The following RGMB variants were observed in gnomAD, a reference collection of about 807,000 sequenced individuals.
The protein encoded by RGMB is repulsive guidance molecule BMP co-receptor b.
In RGMB, 16 loss-of-function variants were observed where a neutral mutation model predicts 26.9. That is an observed-to-expected ratio of 0.60 (90% CI 0.40 to 0.90). The LOEUF (loss-of-function observed/expected upper bound fraction) is 0.90. RGMB is among the 40% of genes least tolerant of loss of function. The pLI is 0.00. For synonymous variants in RGMB, 225 were observed against 229.3 expected, an observed-to-expected ratio of 0.98 and a Z score of 0.17; for missense variants, 512 against 573.3, an observed-to-expected ratio of 0.89 and a Z score of 1.09.
Position 98,795,639 on chromosome 5 carries a change from G to A in RGMB, c.*1886G>A, listed in dbSNP as rs1747096390. The A allele has an allele frequency of 6.6e-6, 1 of 152,096 alleles. No individual in the cohort carries two copies. The highest frequency in any genetic ancestry group is 6.5e-5 in the Admixed American group (1 of 15,268). The allele number at this position is 152,096 out of a possible 1,614,324, so 9.4% of individuals were successfully genotyped here. A position where few individuals can be genotyped will look rare whatever the true frequency, so the allele number is the denominator to read the frequency against. ...AACCCGCCTTCCTTTTATAGAAGCT[G>A]GACTAGAGACGGACTGACCATCAGC... On this transcript the variant is annotated 3_prime_UTR_variant, in exon 3 of 3. Transcript: ENST00000513185.
intron 1 of RGMB, among the ~76,000 whole-genome samples, chr5:98,776,501 CATTTTG>C (rs1746406191): frequency 6.6e-6 from 1 of 152,184 alleles, no homozygotes; most frequent in Admixed American, 6.5e-5. Flanking sequence ...ATTGTCTTGG[CATTTTG>C]ACAGGAGGCT....
intron 2 of RGMB, among the ~76,000 whole-genome samples, chr5:98,790,237 A>T (rs1005803216): frequency 3.3e-5 from 5 of 152,178 alleles, no homozygotes; most frequent in African/African-American, 1.2e-4. Context: ...ACAAGGGACT[A>T]CTCAGGAAAC....
At position 98,794,529 on chromosome 5, in the gene RGMB, A is replaced by G. The variant is rs1747054174; in HGVS notation, c.*776A>G. ...TACCAGGCATCTCAGTAACTCCTAG[A>G]CTTTTTCTCATCCCATGCCCCGTTT... On this transcript the variant is annotated 3_prime_UTR_variant, in exon 3 of 3. Coordinates refer to ENST00000513185, the MANE Select transcript of RGMB (RefSeq NM_001366508.1). 1 of 152,142 alleles carries G rather than the reference A, an allele frequency of 6.6e-6. No homozygotes were observed. Among genetic ancestry groups the G allele is most frequent in the Non-Finnish European group, 1.5e-5 (1 of 68,012 alleles). The allele number at this position is 152,142 out of a possible 1,614,324, so 9.4% of individuals were successfully genotyped here. A position where few individuals can be genotyped will look rare whatever the true frequency, so the allele number is the denominator to read the frequency against.
intron 1 of RGMB, among the ~76,000 whole-genome samples, chr5:98,779,173 A>G (rs1365850384): frequency 6.6e-6 from 1 of 152,204 alleles, no homozygotes; most frequent in Non-Finnish European, 1.5e-5. Flanking sequence ...TGCTTTCTGA[A>G]GGAAGTTATG....
intron 2 of RGMB, among the ~76,000 whole-genome samples, chr5:98,788,465 CATT>C (rs927443601): frequency 6.6e-6 from 1 of 151,976 alleles, no homozygotes; most frequent in African/African-American, 2.4e-5. Flanking sequence ...TTTTCTAGTC[CATT>C]ATTTTTTCTT....
intron 1 of RGMB, among the ~76,000 whole-genome samples, chr5:98,778,528 A>G (rs561161753): frequency 2.0e-5 from 3 of 152,318 alleles, no homozygotes; most frequent in African/African-American, 4.8e-5. Context: ...TAACACAAAT[A>G]ATGTGTTACA....
intron 2 of RGMB, among the ~76,000 whole-genome samples, chr5:98,782,446 C>G (rs1746637699): frequency 6.6e-6 from 1 of 152,196 alleles, no homozygotes; most frequent in Non-Finnish European, 1.5e-5. Context: ...CCCTTAATGT[C>G]TACCACCATA....
intron 2 of RGMB, among the ~76,000 whole-genome samples, chr5:98,787,835 C>T (rs193157357): frequency 2.0e-5 from 3 of 152,142 alleles, no homozygotes; most frequent in Non-Finnish European, 4.4e-5. Context: ...TGTGCCTGTT[C>T]CTTTTATGTG....
At chr5:98,776,783 C>T (rs1315312944) in intron 1 of RGMB, among the ~76,000 whole-genome samples, 10 of 152,162 alleles carry the variant, frequency 6.6e-5, no homozygotes, top group Non-Finnish European at 7.4e-5. Flanking sequence ...CACCTACCTG[C>T]TATGAAAGAG....
intron 1 of RGMB, among the ~76,000 whole-genome samples, chr5:98,777,639 G>A (rs906828075): frequency 3.9e-5 from 6 of 152,102 alleles, no homozygotes; most frequent in African/African-American, 1.4e-4. Context: ...TGGCTTTAAC[G>A]CCTTTTGGAG....
At position 98,795,636 on chromosome 5, in the gene RGMB, G is replaced by C. The variant is rs938681829; in HGVS notation, c.*1883G>C. Reference sequence around the variant, plus strand: ...CTAAACCCGCCTTCCTTTTATAGAAGCTGGACTAGAGACGGACTGACCATC... The same window carrying C: ...CTAAACCCGCCTTCCTTTTATAGAACCTGGACTAGAGACGGACTGACCATC... On this transcript the variant is annotated 3_prime_UTR_variant, in exon 3 of 3. Transcript: ENST00000513185. The C allele has an allele frequency of 6.6e-6, 1 of 152,154 alleles. No homozygotes were observed. Among genetic ancestry groups the C allele is most frequent in the African/African-American group, 2.4e-5 (1 of 41,442 alleles). The allele number at this position is 152,154 out of a possible 1,614,324, so 9.4% of individuals were successfully genotyped here.
At position 98,793,078 on chromosome 5, in the gene RGMB, C is replaced by T. The variant is rs764511632; in HGVS notation, c.646-7C>T. The T allele has an allele frequency of 2.4e-5, 38 of 1,586,864 alleles. No individual in the cohort carries two copies. The South Asian group carries it at 3.3e-4, about 14-fold the overall frequency. On this transcript the variant is annotated splice_polypyrimidine_tract_variant and splice_region_variant and intron_variant, in intron 2 of 2. Transcript: ENST00000513185. The stretch of plus-strand genomic sequence containing the variant: ...CTGTTAAACCTTGTACATGCTCCTT[C>T]CCACAGATCACTATTATCTTCAAAG...
At position 98,793,565 on chromosome 5, in the gene RGMB, C is replaced by A. The variant is rs201952910; in HGVS notation, c.1126C>A (p.Leu376Met). ...CTATTTCCAGTCCTGTGTCTTCGAC[C>A]TGCTCACCACTGGTGATGCCAACTT... ...DIYFQSCVFD[L>M]LTTGDANFTA... is the part of the protein sequence containing the mutation. The change falls in exon 3 of 3, where the codon CTG becomes ATG. Residue 376 changes from leucine (L) to methionine (M), a missense_variant. By Grantham distance (15) the Leu-to-Met change is conservative (BLOSUM62 2). Coordinates refer to ENST00000513185, the MANE Select transcript of RGMB (RefSeq NM_001366508.1). 87 of 1,614,018 alleles carry A rather than the reference C, an allele frequency of 5.4e-5. No individual in the cohort carries two copies. The African/African-American group carries it at 1.1e-3, about 20-fold the overall frequency.
rs1561435573 is a variant in RGMB at position 98,774,100 on chromosome 5, C to CGCCGCT, written c.36_41dup (p.Ala14_Ala15dup). ...GCTTGAGAGCAGCACCTTCCAGCGC[C>CGCCGCT]GCCGCTGCCGCCGCCGAGGTTGAGC... On this transcript the variant is annotated inframe_insertion, in exon 1 of 3. Transcript: ENST00000513185. 2 of 1,258,510 alleles carry CGCCGCT rather than the reference C, an allele frequency of 1.6e-6. No individual in the cohort carries two copies. Among genetic ancestry groups the CGCCGCT allele is most frequent in the Non-Finnish European group, 2.2e-6 (2 of 907,406 alleles). 78.0% of individuals were successfully genotyped at this position (1,258,510 alleles called of 1,614,324 possible).
rs1230106275 is a variant in RGMB, at chr5:98,778,345, A to G, written c.137-1235A>G. 3.9e-5 allele frequency among the ~76,000 whole-genome samples: 6 copies of G among 152,164 alleles called. 1 individual carries two copies. The highest frequency in any genetic ancestry group is 1.4e-4 in the African/African-American group (6 of 41,454). On this transcript the variant is annotated intron_variant, in intron 1 of 2. Coordinates refer to ENST00000513185, the MANE Select transcript of RGMB (RefSeq NM_001366508.1). ...ATAATTATATATTTAATAATAATCT[A>G]CTGGCCCTGAATTTTTTCCCCCATC...
intron 2 of RGMB, among the ~76,000 whole-genome samples, chr5:98,791,369 C>A (rs1432400514): frequency 6.6e-6 from 1 of 152,108 alleles, no homozygotes; most frequent in East Asian, 1.9e-4. Context: ...CTGGAAAATT[C>A]CAGTCAAGTA....
At chr5:98,788,741 A>G (rs972767549) in intron 2 of RGMB, among the ~76,000 whole-genome samples, 3 of 152,214 alleles carry the variant, frequency 2.0e-5, no homozygotes, top group Non-Finnish European at 4.4e-5. Flanking sequence ...AAAGGCCTCT[A>G]CTTCCTTTAG....
Position 98,793,622 on chromosome 5 carries a change from G to T in RGMB, c.1183G>T (p.Val395Leu), listed in dbSNP as rs1747015723. 6.2e-7 allele frequency: 1 copy of T among 1,613,922 alleles called. No individual in the cohort carries two copies. Residue 395 changes from valine (V) to leucine (L), a missense_variant, in exon 3 of 3, where the codon GTG becomes TTG. Physicochemically the swap from Val to Leu is conservative, Grantham distance 32. Coordinates refer to ENST00000513185, the MANE Select transcript of RGMB (RefSeq NM_001366508.1). ...TAAAHSALED[V>L]EALHPRKERW... ...CGCAGCCCACAGTGCCTTGGAGGATGTGGAGGCCCTGCACCCAAGGAAGGA... is the reference window on the plus strand; with the variant it reads ...CGCAGCCCACAGTGCCTTGGAGGATTTGGAGGCCCTGCACCCAAGGAAGGA...
chr5:98,789,497 G>C (rs1746861389), intron 2 of RGMB, among the ~76,000 whole-genome samples: 1 of 151,734 alleles, frequency 6.6e-6, no homozygotes, highest in Admixed American at 6.6e-5. Context: ...TTTTCTCCCG[G>C]TGGAAAGGAG....
Sources: allele counts gnomAD v4.1 joint callset (sites outside exome capture counted in the v4.1 genomes callset), GRCh38; gene constraint gnomAD v4.1.1; transcripts MANE v1.5; gene names NCBI Gene and HGNC (gene_info 2026-07-23, HGNC 2026-07-21).